Variants in PRICKLE2 observed in about 807,000 individuals in gnomAD.
PRICKLE2 encodes prickle-like protein 2.
PRICKLE2 carries 21 observed loss-of-function variants against 81.4 expected under a neutral mutation model. The observed-to-expected ratio is 0.26, with a 90% CI of 0.18 to 0.37. The LOEUF is 0.37. PRICKLE2 is among the 10% of genes least tolerant of loss of function. The probability of loss-of-function intolerance (pLI) is 1.00; values close to 1 mark genes in which losing one functional copy is unlikely to be tolerated. For synonymous variants in PRICKLE2, 456 were observed against 421.5 expected (o/e 1.08, Z -1.00); for missense variants, 940 against 1,109.0 (o/e 0.85, Z 2.16).
At chr3:64,232,595 A>G (rs2079121354) in intron 2 of PRICKLE2, among the ~76,000 whole-genome samples, 1 of 152,122 alleles carries the variant, frequency 6.6e-6, no homozygotes, top group Non-Finnish European at 1.5e-5. Context: ...TCAGAGCTTA[A>G]TGCTGGAGAA....
intron 7 of PRICKLE2, among the ~76,000 whole-genome samples, chr3:64,125,996 C>A (rs1171882929): frequency 6.6e-6 from 1 of 151,776 alleles, no homozygotes; most frequent in African/African-American, 2.4e-5. Flanking sequence ...TCAGCATATG[C>A]CTAACAACAA....
At chr3:64,252,102 T>C (rs576480835) in intron 2 of PRICKLE2, among the ~76,000 whole-genome samples, 2 of 152,282 alleles carry the variant, frequency 1.3e-5, no homozygotes, top group South Asian at 2.1e-4. Context: ...CAACCCAACA[T>C]GGTCTAAAAA....
At chr3:64,149,704 A>G (rs2077513093) in intron 6 of PRICKLE2, among the ~76,000 whole-genome samples, 1 of 152,144 alleles carries the variant, frequency 6.6e-6, no homozygotes. Flanking sequence ...AGAAGAAGAG[A>G]ATTGCAAGAA....
chr3:64,252,211 A>G (rs536042665), intron 2 of PRICKLE2, among the ~76,000 whole-genome samples: 21 of 152,200 alleles, frequency 1.4e-4, no homozygotes, highest in Non-Finnish European at 2.9e-4. Flanking sequence ...TAAAAATGAA[A>G]AATGTGAGGC....
At chr3:64,254,190 C>T (rs1229267092) in intron 2 of PRICKLE2, among the ~76,000 whole-genome samples, 5 of 152,156 alleles carry the variant, frequency 3.3e-5, no homozygotes, top group African/African-American at 7.2e-5. Flanking sequence ...ATTGCTGATG[C>T]GATTAAGCCA....
chr3:64,124,684 G>A (rs2077080919), intron 7 of PRICKLE2, among the ~76,000 whole-genome samples: 1 of 152,168 alleles, frequency 6.6e-6, no homozygotes, highest in South Asian at 2.1e-4. Context: ...CTGGATGACA[G>A]CAAATAAGCT....
chr3:64,130,715 T>C (rs2077184903), intron 7 of PRICKLE2, among the ~76,000 whole-genome samples: 1 of 152,206 alleles, frequency 6.6e-6, no homozygotes, highest in African/African-American at 2.4e-5. Flanking sequence ...TGGTTCTCAA[T>C]ATTGTCTGAC....
intron 1 of PRICKLE2, among the ~76,000 whole-genome samples, chr3:64,208,056 T>C (rs1161677102): frequency 1.3e-5 from 2 of 152,164 alleles, no homozygotes; most frequent in African/African-American, 2.4e-5. Context: ...GAACCAAACA[T>C]TCTTCTCAAG....
chr3:64,263,309 A>G (rs983336415), intron 2 of PRICKLE2, among the ~76,000 whole-genome samples: 5 of 152,174 alleles, frequency 3.3e-5, no homozygotes, highest in Non-Finnish European at 5.9e-5. Flanking sequence ...TGAACATACC[A>G]TTTTACAGAT....
intron 1 of PRICKLE2, among the ~76,000 whole-genome samples, chr3:64,211,776 G>T (rs772291315): frequency 1.3e-5 from 2 of 152,218 alleles, no homozygotes; most frequent in African/African-American, 4.8e-5. Context: ...GCTACAGAAG[G>T]TTCCTGGTTA....
At chr3:64,177,205 G>A (rs904979763) in intron 2 of PRICKLE2, among the ~76,000 whole-genome samples, 2 of 118,642 alleles carry the variant, frequency 1.7e-5, no homozygotes, top group African/African-American at 6.6e-5. Context: ...GCGTGATCTC[G>A]GCTCACTGCA....
At chr3:64,133,682 T>C (rs2077233007) in intron 7 of PRICKLE2, among the ~76,000 whole-genome samples, 1 of 152,154 alleles carries the variant, frequency 6.6e-6, no homozygotes, top group Non-Finnish European at 1.5e-5. Context: ...TTAGCATTAA[T>C]AGGGGTAACA....
intron 2 of PRICKLE2, among the ~76,000 whole-genome samples, chr3:64,197,832 T>A (rs1158549174): frequency 1.3e-5 from 2 of 151,960 alleles, no homozygotes; most frequent in African/African-American, 2.4e-5. Flanking sequence ...AACTTGCACA[T>A]GTACCCATGA....
In PRICKLE2 at chr3:64,098,060, A is replaced by G. The variant is rs2076596208; in HGVS notation, c.*991T>C. The G allele has an allele frequency of 6.6e-6, 1 of 152,660 alleles. No individual in the cohort carries two copies. The highest frequency in any genetic ancestry group is 1.5e-5 in the Non-Finnish European group (1 of 68,034). The allele number at this position is 152,660 out of a possible 1,614,324, so 9.5% of individuals were successfully genotyped here. Reference sequence around the variant, plus strand: ...CTGCCTTGGTAAAGGAAAGCAGATAATACAATCCAGGAAACATGAGCACCA... The same window carrying G: ...CTGCCTTGGTAAAGGAAAGCAGATAGTACAATCCAGGAAACATGAGCACCA... On this transcript the variant is annotated 3_prime_UTR_variant, in exon 8 of 8. Transcript: ENST00000638394.
rs994634407 is a variant in PRICKLE2 at position 64,147,820 on chromosome 3, C to G, written c.788-118G>C. ...TTCCAGGTGCGGCAGGATAAACTGT[C>G]AATAAATCAACAATCAGACCCTTAT... On this transcript the variant is annotated intron_variant, in intron 6 of 7. Transcript: ENST00000638394. The surrounding 1 kb of genome is among the most constrained non-coding windows in gnomAD (Gnocchi z 5.0). The G allele has an allele frequency of 9.4e-7, 1 of 1,058,882 alleles. No homozygotes were observed. The highest frequency in any genetic ancestry group is 1.9e-5 in the Admixed American group (1 of 53,278). 65.6% of individuals were successfully genotyped at this position (1,058,882 alleles called of 1,614,324 possible).
intron 1 of PRICKLE2, among the ~76,000 whole-genome samples, chr3:64,212,801 TCAAA>T (rs372787128): frequency 2.1e-3 from 321 of 152,150 alleles, no homozygotes; most frequent in African/African-American, 6.8e-3. Context: ...GGATACAAAG[TCAAA>T]CAAACAAACA....
chr3:64,244,979 G>C (rs1218316195), intron 2 of PRICKLE2, among the ~76,000 whole-genome samples: 1 of 152,070 alleles, frequency 6.6e-6, no homozygotes, highest in Non-Finnish European at 1.5e-5. Context: ...TTCAATCATA[G>C]ATGCCTACCA....
At chr3:64,140,331 C>T (rs537380423) in intron 7 of PRICKLE2, among the ~76,000 whole-genome samples, 6 of 152,154 alleles carry the variant, frequency 3.9e-5, no homozygotes, top group Non-Finnish European at 5.9e-5. Context: ...ACAGGGTAGG[C>T]GCTCATGTCA....
chr3:64,112,089 T>C (rs1417481915), intron 7 of PRICKLE2, among the ~76,000 whole-genome samples: 1 of 152,194 alleles, frequency 6.6e-6, no homozygotes, highest in East Asian at 1.9e-4. Flanking sequence ...GCCAACACAC[T>C]AAGCTTTTTT....
Sources: gnomAD v4.1 joint callset for allele counts (sites outside exome capture counted in the v4.1 genomes callset) on GRCh38, gnomAD v4.1.1 for gene constraint, Gnocchi (gnomAD v3.1) non-coding constraint, MANE v1.5 for transcripts, NCBI Gene and HGNC (gene_info 2026-07-23, HGNC 2026-07-21) for gene names.